Variants in FAM83B observed in about 807,000 individuals in gnomAD.
FAM83B encodes the protein scaffolding CK1 anchoring protein B.
In FAM83B, 26 loss-of-function variants were observed where a neutral mutation model predicts 38.8. The observed-to-expected ratio is 0.67, with a 90% confidence interval of 0.49 to 0.93. The LOEUF (loss-of-function observed/expected upper bound fraction) is 0.93, where lower values mean the gene tolerates loss of function less well. FAM83B is among the 40% of genes least tolerant of loss of function. The pLI is 0.00. For synonymous variants in FAM83B, 419 were observed against 423.1 expected (o/e 0.99, Z 0.12); for missense variants, 1,237 against 1,197.3 (o/e 1.03, Z -0.49).
At chr6:54,869,945 A>C (rs971571952) in intron 1 of FAM83B, among the ~76,000 whole-genome samples, 47 of 152,258 alleles carry the variant, frequency 3.1e-4, no homozygotes, top group African/African-American at 1.1e-3. Context: ...TTTTAATTTA[A>C]ATTGAGATAC....
chr6:54,884,731 G>C (rs1354236319), intron 2 of FAM83B, among the ~76,000 whole-genome samples: 2 of 151,180 alleles, frequency 1.3e-5, no homozygotes, highest in Non-Finnish European at 2.9e-5. Context: ...ACAGTGTCTT[G>C]GTTATTACTG....
At chr6:54,859,236 A>G (rs915121325) in intron 1 of FAM83B, among the ~76,000 whole-genome samples, 6 of 151,942 alleles carry the variant, frequency 3.9e-5, no homozygotes, top group Admixed American at 2.6e-4. Context: ...TAACTTTTGT[A>G]TTTTTAGTAG....
At position 54,942,681 on chromosome 6, in the gene FAM83B, A is replaced by C. The variant is rs751484930; in HGVS notation, c.*674A>C. On this transcript the variant is annotated 3_prime_UTR_variant, in exon 5 of 5. Transcript: ENST00000306858. ...CGGTCTGGGATGTGCTTCTTTCTAC[A>C]CTGGACCCAGGGAGCTGTCCCCCTC... Among the ~76,000 whole-genome samples the C allele has an allele frequency of 9.0e-5, 13 of 144,386 alleles. No homozygotes were observed. 94.7% of individuals were successfully genotyped at this position (144,386 alleles called of 152,430 possible). A position where few individuals can be genotyped will look rare whatever the true frequency, so the allele number is the denominator to read the frequency against.
chr6:54,864,042 C>G (rs547501296), intron 1 of FAM83B, among the ~76,000 whole-genome samples: 1 of 152,136 alleles, frequency 6.6e-6, no homozygotes, highest in Non-Finnish European at 1.5e-5. Flanking sequence ...AGTATAAGCT[C>G]TCTCTGTAAA....
intron 2 of FAM83B, among the ~76,000 whole-genome samples, chr6:54,879,206 C>T (rs1233577864): frequency 6.6e-6 from 1 of 152,202 alleles, no homozygotes; most frequent in Non-Finnish European, 1.5e-5. Context: ...TGAGGGTTCA[C>T]ATTGGAACCC....
intron 4 of FAM83B, 95 bp downstream of exon 4, chr6:54,927,727 GTAA>G: frequency 6.0e-5 from 2 of 33,554 alleles, no homozygotes; most frequent in Non-Finnish European, 4.2e-5. Context: ...TTTCTTAAAA[GTAA>G]AAAAAAAAAA....
intron 2 of FAM83B, among the ~76,000 whole-genome samples, chr6:54,909,924 G>A (rs1772867636): frequency 1.3e-5 from 2 of 152,164 alleles, no homozygotes; most frequent in South Asian, 2.1e-4. Flanking sequence ...GCATGATATT[G>A]GGAAAGTACA....
At chr6:54,926,158 A>T (rs966810393) in intron 2 of FAM83B, among the ~76,000 whole-genome samples, 9 of 152,352 alleles carry the variant, frequency 5.9e-5, no homozygotes, top group South Asian at 2.1e-4. Flanking sequence ...AGCTAATATG[A>T]AAATGACTTA....
In FAM83B at chr6:54,926,486, AT is replaced by A. The variant is rs1394994857; in HGVS notation, c.564del (p.Leu189Ter). The A allele has an allele frequency of 5.6e-6, 9 of 1,609,166 alleles. No homozygotes were observed. Among genetic ancestry groups the A allele is most frequent in the African/African-American group, 1.3e-5 (1 of 74,678 alleles). On this transcript the variant is annotated frameshift_variant, in exon 3 of 5. Transcript: ENST00000306858. LOFTEE classifies it high-confidence loss of function. ...YILLDESNFNHFLNMTEKQGC... is the reference protein window; with the variant it reads ...YILLDESNFNXFLNMTEKQGC... ...CTGCTTGATGAGTCCAATTTTAATC[AT>A]TTTCTAAATATGACTGAGAAACAAG...
chr6:54,896,625 C>A (rs1350395772), intron 2 of FAM83B, among the ~76,000 whole-genome samples: 1 of 152,178 alleles, frequency 6.6e-6, no homozygotes, highest in Admixed American at 6.5e-5. Flanking sequence ...ATAAACACAG[C>A]AGCATAAAGC....
At chr6:54,870,725 A>G (rs777356967) in intron 2 of FAM83B, 35 bp downstream of exon 2, 10 of 1,526,740 alleles carry the variant, frequency 6.5e-6, no homozygotes, top group Middle Eastern at 2.0e-4. Flanking sequence ...GAAAAATTTG[A>G]AACATGTAGA....
intron 1 of FAM83B, among the ~76,000 whole-genome samples, chr6:54,852,028 A>G (rs929524377): frequency 5.0e-5 from 7 of 140,180 alleles, no homozygotes; most frequent in African/African-American, 1.0e-4. Flanking sequence ...TGATCCACCC[A>G]CCTCGGCCTC....
intron 1 of FAM83B, among the ~76,000 whole-genome samples, chr6:54,849,399 G>A (rs531162393): frequency 1.2e-4 from 19 of 152,032 alleles, no homozygotes; most frequent in African/African-American, 4.1e-4. Context: ...GGGGGAAATG[G>A]TAGGCTCCAG....
In FAM83B at chr6:54,874,279, C is replaced by A. The variant is rs187541979; in HGVS notation, c.444+3589C>A. Among the ~76,000 whole-genome samples the A allele has an allele frequency of 1.3e-4, 19 of 151,840 alleles. No homozygotes were observed. In the East Asian group the frequency reaches 2.7e-3, roughly 22 times the overall value. ...TTTGTTTATTTGTTTTGTTTTATTT[C>A]TTTCTTTTGTATGTTTGCTTATTTT... is the stretch of plus-strand genomic sequence containing the variant. On this transcript the variant is annotated intron_variant, in intron 2 of 4. Transcript: ENST00000306858.
chr6:54,850,593 T>G (rs1449428824), intron 1 of FAM83B, among the ~76,000 whole-genome samples: 1 of 152,210 alleles, frequency 6.6e-6, no homozygotes, highest in Non-Finnish European at 1.5e-5. Context: ...ATGGTGGTAA[T>G]AGAATAACTC....
intron 2 of FAM83B, among the ~76,000 whole-genome samples, chr6:54,899,248 A>G (rs1053020411): frequency 6.6e-6 from 1 of 152,212 alleles, no homozygotes; most frequent in African/African-American, 2.4e-5. Flanking sequence ...AGGGTGTTAC[A>G]TATAACACTT....
At chr6:54,859,318 C>T (rs1257821685) in intron 1 of FAM83B, among the ~76,000 whole-genome samples, 1 of 152,142 alleles carries the variant, frequency 6.6e-6, no homozygotes, top group Non-Finnish European at 1.5e-5. Context: ...CCTTGGCCTC[C>T]CAAAGTGCTG....
At chr6:54,871,696 T>A (rs1771857413) in intron 2 of FAM83B, among the ~76,000 whole-genome samples, 1 of 137,340 alleles carries the variant, frequency 7.3e-6, no homozygotes, top group Non-Finnish European at 1.5e-5. Context: ...TGAACTGAGA[T>A]TGCGCCACTG....
intron 1 of FAM83B, among the ~76,000 whole-genome samples, chr6:54,847,760 G>A (rs9475040): frequency 0.43 from 65,862 of 151,904 alleles, 14,837 homozygotes; most frequent in African/African-American, 0.5. Flanking sequence ...ACACAGGTTA[G>A]CATGTTGTCT....
Sources: gnomAD v4.1 joint callset for allele counts (sites outside exome capture counted in the v4.1 genomes callset) on GRCh38, gnomAD v4.1.1 for gene constraint, MANE v1.5 for transcripts, NCBI Gene and HGNC (gene_info 2026-07-23, HGNC 2026-07-21) for gene names.